Variants in GOLGA8B observed in about 807,000 individuals in gnomAD.
GOLGA8B encodes the protein golgin subfamily A member 8B.
GOLGA8B carries 1 observed loss-of-function variant against 15.6 expected under a neutral mutation model. That is an observed-to-expected ratio of 0.06 (90% CI 0.02 to 0.30). The LOEUF is 0.30. GOLGA8B is among the 10% of genes least tolerant of loss of function. The pLI is 1.00. For missense variants in GOLGA8B, 17 were observed against 201.3 expected (o/e 0.08, Z 5.54); for synonymous variants, 9 against 80.3 (o/e 0.11, Z 4.75).
In GOLGA8B at chr15:34,582,254, G is replaced by A. The variant is rs191555616; in HGVS notation, c.-1123+1262C>T. Among the ~76,000 whole-genome samples, 173 of 152,326 alleles carry A rather than the reference G, an allele frequency of 1.1e-3. 3 individuals are homozygous for A. Among genetic ancestry groups the A allele is most frequent in the Admixed American group, 0.011 (173 of 15,300 alleles). On this transcript the variant is annotated intron_variant, in intron 1 of 23. Transcript: ENST00000683415. ...TCACTGGAGGGACCCTGACCCAGAGGCCTGAGAAAAAGCCACCTGCAGGCT... is the reference window on the plus strand; with the variant it reads ...TCACTGGAGGGACCCTGACCCAGAGACCTGAGAAAAAGCCACCTGCAGGCT...
rs560260566 is a variant in GOLGA8B at position 34,527,371 on chromosome 15, G to C, written c.*261C>G. ...ACTCCCACCACGTAAGGGCAAACTC[G>C]ATATGCATGCTAATGACCTACAATT... On this transcript the variant is annotated 3_prime_UTR_variant, in exon 24 of 24. Transcript: ENST00000683415. The C allele has an allele frequency of 2.2e-6, 1 of 451,314 alleles. No individual in the cohort carries two copies. The highest frequency in any genetic ancestry group is 3.9e-6 in the Non-Finnish European group (1 of 256,904). 28.0% of individuals were successfully genotyped at this position (451,314 alleles called of 1,614,324 possible).
Position 34,568,878 on chromosome 15 carries a change from G to T in GOLGA8B, c.-1123+14638C>A, listed in dbSNP as rs1338300367. 5.4e-4 allele frequency among the ~76,000 whole-genome samples: 74 copies of T among 136,760 alleles called. 1 individual carries two copies. Among genetic ancestry groups the T allele is most frequent in the African/African-American group, 1.8e-3 (58 of 32,568 alleles). The allele number at this position is 136,760 out of a possible 152,430, so 89.7% of individuals were successfully genotyped here. A position where few individuals can be genotyped will look rare whatever the true frequency, so the allele number is the denominator to read the frequency against. ...TCATAGGCCCCAGAGTCAGAAGGGGGTTGGAATCTCCCCTCTGCCATGCCT... is the reference window on the plus strand; with the variant it reads ...TCATAGGCCCCAGAGTCAGAAGGGGTTTGGAATCTCCCCTCTGCCATGCCT... On this transcript the variant is annotated intron_variant, in intron 1 of 23. Coordinates refer to ENST00000683415, the MANE Select transcript of GOLGA8B (RefSeq NM_001023567.5).
intron 1 of GOLGA8B, among the ~76,000 whole-genome samples, chr15:34,576,129 T>C (rs75170438): frequency 3.0e-3 from 428 of 140,888 alleles, no homozygotes; most frequent in South Asian, 0.013. Context: ...CCCTATGTGA[T>C]GGATAAAAGG....
chr15:34,573,693 A>T (rs1888988003), intron 1 of GOLGA8B, among the ~76,000 whole-genome samples: 1 of 152,162 alleles, frequency 6.6e-6, no homozygotes, highest in Non-Finnish European at 1.5e-5. Flanking sequence ...TTCTTCAGCC[A>T]GAGGAAATCT....
intron 1 of GOLGA8B, among the ~76,000 whole-genome samples, chr15:34,560,010 A>G (rs1217285249): frequency 6.7e-6 from 1 of 149,444 alleles, no homozygotes; most frequent in Non-Finnish European, 1.5e-5. Flanking sequence ...GACCAAAATG[A>G]GCCATGAGTA....
At position 34,567,596 on chromosome 15, in the gene GOLGA8B, T is replaced by C. The variant is rs369125909; in HGVS notation, c.-1122-13640A>G. Among the ~76,000 whole-genome samples the C allele has an allele frequency of 2.8e-4, 43 of 151,846 alleles. No homozygotes were observed. In the East Asian group the frequency reaches 8.1e-3, roughly 29 times the overall value. Reference sequence around the variant, plus strand: ...ACCCATCCCATTAGGAACACTGTCATTGCAGCCCATCTCCAGCACTCTGCT... The same window carrying C: ...ACCCATCCCATTAGGAACACTGTCACTGCAGCCCATCTCCAGCACTCTGCT... On this transcript the variant is annotated intron_variant, in intron 1 of 23. Transcript: ENST00000683415.
At chr15:34,574,109 C>T (rs1295629428) in intron 1 of GOLGA8B, among the ~76,000 whole-genome samples, 7 of 152,234 alleles carry the variant, frequency 4.6e-5, no homozygotes, top group Admixed American at 3.3e-4. Flanking sequence ...AGTCTCTCAC[C>T]ATCCCCACTC....
intron 1 of GOLGA8B, among the ~76,000 whole-genome samples, chr15:34,559,213 C>T (rs1309607061): frequency 6.8e-6 from 1 of 146,950 alleles, no homozygotes; most frequent in Non-Finnish European, 1.5e-5. Context: ...ACAGTAGAGT[C>T]ACAGAGACAG....
At chr15:34,576,448 G>C (rs1266087979) in intron 1 of GOLGA8B, among the ~76,000 whole-genome samples, 2 of 152,190 alleles carry the variant, frequency 1.3e-5, no homozygotes, top group Non-Finnish European at 1.5e-5. Context: ...TGCTCTCAAA[G>C]CTTCCAACCC....
At chr15:34,560,912 T>C (rs931071375) in intron 1 of GOLGA8B, among the ~76,000 whole-genome samples, 1 of 128,568 alleles carries the variant, frequency 7.8e-6, no homozygotes, top group Non-Finnish European at 1.6e-5. Context: ...TAAGCAATGG[T>C]ATTAGAAAGG....
At chr15:34,575,575 C>G (rs569298967) in intron 1 of GOLGA8B, among the ~76,000 whole-genome samples, 219 of 152,138 alleles carry the variant, frequency 1.4e-3, no homozygotes, top group Non-Finnish European at 2.6e-3. Context: ...CCTACACAAA[C>G]TACATAATCC....
intron 1 of GOLGA8B, among the ~76,000 whole-genome samples, chr15:34,579,093 G>GC (rs1889160959): frequency 6.6e-6 from 1 of 151,940 alleles, no homozygotes; most frequent in Admixed American, 6.6e-5. Context: ...GGCCTCATGC[G>GC]CACATTGCAG....
chr15:34,583,457 GC>G (rs1449857468), intron 1 of GOLGA8B, 58 bp downstream of exon 1: 1 of 151,452 alleles, frequency 6.6e-6, no homozygotes, highest in African/African-American at 2.4e-5. Flanking sequence ...CCGCGGCGCC[GC>G]GGGCGGCCCC....
chr15:34,565,264 T>C (rs1376320756), intron 1 of GOLGA8B, among the ~76,000 whole-genome samples: 14 of 141,048 alleles, frequency 9.9e-5, no homozygotes, highest in Non-Finnish European at 2.1e-4. Flanking sequence ...GCCTCCCTAG[T>C]AGCTGGGATT....
At chr15:34,554,321 T>C (rs554966984) in intron 1 of GOLGA8B, among the ~76,000 whole-genome samples, 75 of 152,364 alleles carry the variant, frequency 4.9e-4, no homozygotes, top group Admixed American at 4.9e-3. Context: ...CCGGTCTGCC[T>C]GTCACCTGCA....
intron 1 of GOLGA8B, chr15:34,556,866 G>A (rs1338770532): frequency 3.9e-6 from 3 of 764,116 alleles, no homozygotes; most frequent in African/African-American, 3.6e-5. Flanking sequence ...CCTAGAGCAA[G>A]GGACCTCAGG....
intron 1 of GOLGA8B, among the ~76,000 whole-genome samples, chr15:34,577,504 T>TCACA (rs1215412104): frequency 2.0e-5 from 2 of 100,622 alleles, no homozygotes; most frequent in Non-Finnish European, 4.0e-5. Flanking sequence ...AAATTATATA[T>TCACA]CATACACACA....
At chr15:34,559,004 T>C (rs1206255360) in intron 1 of GOLGA8B, among the ~76,000 whole-genome samples, 1 of 100,200 alleles carries the variant, frequency 1.0e-5, no homozygotes, top group East Asian at 2.6e-4. Context: ...GGGTCAGGGC[T>C]CCTCTTGCTC....
intron 1 of GOLGA8B, among the ~76,000 whole-genome samples, chr15:34,572,906 T>C (rs1888960140): frequency 6.6e-6 from 1 of 152,184 alleles, no homozygotes; most frequent in East Asian, 1.9e-4. Context: ...AAATGGCAGC[T>C]TTCTTCTCCA....
Sources: allele counts gnomAD v4.1 joint callset (sites outside exome capture counted in the v4.1 genomes callset), GRCh38; gene constraint gnomAD v4.1.1; transcripts MANE v1.5; gene names NCBI Gene and HGNC (gene_info 2026-07-23, HGNC 2026-07-21).